The following BNC1 variants were observed in gnomAD, a reference collection of about 807,000 sequenced individuals.
BNC1 encodes the protein zinc finger protein basonuclin-1.
Under a neutral mutation model 66.5 loss-of-function variants are expected in BNC1, and 8 were observed. That is an observed-to-expected ratio of 0.12 (90% CI 0.07 to 0.22). The LOEUF (loss-of-function observed/expected upper bound fraction) is 0.22, where lower values mean the gene tolerates loss of function less well. Ranked by LOEUF, BNC1 falls within the 10% of genes least tolerant of loss-of-function variation. The pLI is 1.00. For synonymous variants in BNC1, 454 were observed against 452.6 expected, an observed-to-expected ratio of 1.00 and a Z score of -0.04; for missense variants, 1,069 against 1,241.3, an observed-to-expected ratio of 0.86 and a Z score of 2.09.
chr15:83,271,578 C>T (rs2038269920), intron 1 of BNC1, among the ~76,000 whole-genome samples: 2 of 152,134 alleles, frequency 1.3e-5, no homozygotes, highest in Non-Finnish European at 2.9e-5. Context: ...ATGCTATCAT[C>T]CCCAAAGGAA....
chr15:83,283,321 A>G (rs1275131234), intron 1 of BNC1: 1 of 1,480,328 alleles, frequency 6.8e-7, no homozygotes, highest in Non-Finnish European at 9.0e-7. Context: ...AACTCCGGCA[A>G]AGCCAGGCGG....
chr15:83,263,095 C>T lies in BNC1; in HGVS notation c.2156G>A (p.Arg719His), dbSNP rs1653019875. 2.5e-6 allele frequency: 4 copies of T among 1,614,202 alleles called. No homozygotes were observed. The highest frequency in any genetic ancestry group is 2.5e-6 in the Non-Finnish European group (3 of 1,180,028). The change falls in exon 4 of 5, where the codon CGC becomes CAC. Residue 719 changes from arginine (R) to histidine (H), a missense_variant. By Grantham distance (29) the Arg-to-His change is conservative. Coordinates refer to ENST00000345382, the MANE Select transcript of BNC1 (RefSeq NM_001717.4). Reference sequence around the variant, plus strand: ...CTTCTTGCAGATGTCACACTGGAAGCGATTTTCTTCTATCTGCCTTGCTAA... The same window carrying T: ...CTTCTTGCAGATGTCACACTGGAAGTGATTTTCTTCTATCTGCCTTGCTAA... ...HALARQIEEN[R>H]FQCDICKKTF... is the part of the protein sequence containing the mutation.
chr15:83,258,929 C>T (rs2038113532), intron 4 of BNC1, among the ~76,000 whole-genome samples: 1 of 152,180 alleles, frequency 6.6e-6, no homozygotes, highest in Admixed American at 6.5e-5. Context: ...TATTGGATAG[C>T]ACTGGTCAAG....
At chr15:83,260,717 G>A (rs1367923583) in intron 4 of BNC1, among the ~76,000 whole-genome samples, 1 of 152,204 alleles carries the variant, frequency 6.6e-6, no homozygotes, top group African/African-American at 2.4e-5. Context: ...TAAGCATCCA[G>A]GGTGTTGTCC....
intron 4 of BNC1, among the ~76,000 whole-genome samples, chr15:83,259,567 A>T (rs2038119127): frequency 6.6e-6 from 1 of 152,136 alleles, no homozygotes; most frequent in Non-Finnish European, 1.5e-5. Context: ...CTGCCCTGTG[A>T]TTATGTCAGC....
At chr15:83,271,152 T>C (rs2038265881) in intron 1 of BNC1, among the ~76,000 whole-genome samples, 1 of 152,154 alleles carries the variant, frequency 6.6e-6, no homozygotes, top group Admixed American at 6.5e-5. Context: ...GGCATGCACC[T>C]GTAGACCCAG....
rs765009276 is a variant in BNC1 at position 83,263,206 on chromosome 15, C to G, written c.2045G>C (p.Gly682Ala). The G allele has an allele frequency of 6.2e-7, 1 of 1,614,164 alleles. No homozygotes were observed. Among genetic ancestry groups the G allele is most frequent in the Non-Finnish European group, 8.5e-7 (1 of 1,180,034 alleles). Residue 682 changes from glycine to alanine, a missense_variant, in exon 4 of 5, where the codon GGA (glycine) becomes GCA (alanine). Around this residue, in one of 7 missense-constraint regions of BNC1, gnomAD observed 657 missense variants for 715.8 expected, o/e 0.92. Coordinates refer to ENST00000345382, the MANE Select transcript of BNC1 (RefSeq NM_001717.4). ...MELQQRLLAG[G>A]LFSALSNRGM... is the part of the protein sequence containing the mutation. ...CCTGTTGGACAAAGCACTGAAGAGT[C>G]CCCCAGCCAGCAGGCGCTGCTGCAG...
At chr15:83,260,044 C>A (rs2038123655) in intron 4 of BNC1, among the ~76,000 whole-genome samples, 1 of 152,210 alleles carries the variant, frequency 6.6e-6, no homozygotes, top group African/African-American at 2.4e-5. Context: ...AAAGTGTGGT[C>A]TGAGCACCCC....
Position 83,263,134 on chromosome 15 carries a change from A to G in BNC1, c.2117T>C (p.Val706Ala), listed in dbSNP as rs758406738. The G allele has an allele frequency of 3.1e-6, 5 of 1,614,044 alleles. No homozygotes were observed. The African/African-American group carries it at 6.7e-5, about 22-fold the overall frequency. ...CLEDSKELEHVGQHALARQIE... is the reference protein window; with the variant it reads ...CLEDSKELEHAGQHALARQIE... The stretch of plus-strand genomic sequence containing the variant: ...CTGCCTTGCTAATGCATGCTGACCC[A>G]CGTGCTCCAGTTCTTTAGAATCTTC... The change falls in exon 4 of 5, where the codon GTG becomes GCG. Residue 706 changes from valine to alanine, a missense_variant. Transcript: ENST00000345382.
At chr15:83,274,769 ATTTC>A (rs1480815557) in intron 1 of BNC1, among the ~76,000 whole-genome samples, 1 of 152,324 alleles carries the variant, frequency 6.6e-6, no homozygotes, top group Non-Finnish European at 1.5e-5. Flanking sequence ...GAATTATTTC[ATTTC>A]TTTCTCACAA....
Position 83,258,088 on chromosome 15 carries a change from C to A in BNC1, c.2339G>T (p.Ser780Ile). ...SNLNLHQKAL[S>I]QEALESSEDH... ...TTCACTACTCTCCAATGCTTCCTGG[C>A]TCAATGCTTTTTGGTGGAGGTTTAG... Residue 780 changes from serine to isoleucine, a missense_variant, in exon 5 of 5, where the codon AGC becomes ATC. Physicochemically the swap from Ser to Ile is moderately radical, Grantham distance 142 (BLOSUM62 -2). This residue lies in a region of BNC1 where 657 missense variants were observed against 715.8 expected (regional missense o/e 0.92). Coordinates refer to ENST00000345382, the MANE Select transcript of BNC1 (RefSeq NM_001717.4). 2 of 1,604,662 alleles carry A rather than the reference C, an allele frequency of 1.2e-6. No homozygotes were observed. Among genetic ancestry groups the A allele is most frequent in the Non-Finnish European group, 1.7e-6 (2 of 1,171,954 alleles).
intron 1 of BNC1, chr15:83,283,580 C>A (rs1036875575): frequency 1.2e-5 from 11 of 911,584 alleles, no homozygotes; most frequent in Non-Finnish European, 1.3e-5. Context: ...CCCATGCAAA[C>A]CCCTGAAGGA....
chr15:83,267,981 CT>C, intron 2 of BNC1, 151 bp downstream of exon 2: 1 of 656,800 alleles, frequency 1.5e-6, no homozygotes, highest in Non-Finnish European at 2.7e-6. Context: ...ATTCAAGACT[CT>C]TTGAATCTTA....
chr15:83,260,203 T>C (rs1481569770), intron 4 of BNC1, among the ~76,000 whole-genome samples: 1 of 152,196 alleles, frequency 6.6e-6, no homozygotes, highest in Admixed American at 6.5e-5. Context: ...ACAGAGCATA[T>C]GCAGAAGCAG....
At chr15:83,259,751 G>T (rs910734051) in intron 4 of BNC1, among the ~76,000 whole-genome samples, 1 of 152,160 alleles carries the variant, frequency 6.6e-6, no homozygotes, top group African/African-American at 2.4e-5. Flanking sequence ...CTCAACTCCT[G>T]AGTATTCCAT....
intron 1 of BNC1, among the ~76,000 whole-genome samples, chr15:83,280,934 T>C (rs1407309889): frequency 6.6e-6 from 1 of 152,242 alleles, no homozygotes; most frequent in East Asian, 1.9e-4. Context: ...TTGTTTCACA[T>C]TAGTTGAATG....
At chr15:83,271,062 G>T (rs2038265027) in intron 1 of BNC1, among the ~76,000 whole-genome samples, 1 of 152,148 alleles carries the variant, frequency 6.6e-6, no homozygotes, top group Non-Finnish European at 1.5e-5. Context: ...GATCACCTGA[G>T]GTCAGGAGTT....
chr15:83,264,276 T>C lies in BNC1; in HGVS notation c.975A>G (p.Ser325=), dbSNP rs2038188560. ...EDSTHLSDSS[S]YNIVTKFERT... is the part of the protein sequence containing the mutation. ...TTTCAAACTTAGTGACAATGTTGTA[T>C]GAGCTGGAGTCACTTAAATGGGTGC... The change falls in exon 4 of 5, where the codon TCA becomes TCG. Residue 325 remains serine (S), a synonymous_variant. Coordinates refer to ENST00000345382, the MANE Select transcript of BNC1 (RefSeq NM_001717.4). The C allele has an allele frequency of 1.2e-6, 2 of 1,614,080 alleles. No homozygotes were observed. The highest frequency in any genetic ancestry group is 2.7e-5 in the African/African-American group (2 of 74,926).
chr15:83,283,432 CGCCCG>C (rs1356970512), intron 1 of BNC1: 6 of 1,244,018 alleles, frequency 4.8e-6, no homozygotes, highest in Non-Finnish European at 6.0e-6. Flanking sequence ...TCGCCGCCGC[CGCCCG>C]GCTCCCAGCA....
Sources: gnomAD v4.1 joint callset for allele counts (sites outside exome capture counted in the v4.1 genomes callset) on GRCh38, gnomAD v4.1.1 for gene constraint, gnomAD v4.1.1 regional missense constraint, MANE v1.5 for transcripts, NCBI Gene and HGNC (gene_info 2026-07-23, HGNC 2026-07-21) for gene names.